The following KMT2C variants were observed in gnomAD, a reference collection of about 807,000 sequenced individuals.
The protein encoded by KMT2C is lysine methyltransferase 2C, also known as histone-lysine N-methyltransferase 2C.
In KMT2C, 88 loss-of-function variants were observed where a neutral mutation model predicts 507.9. That is an observed-to-expected ratio of 0.17 (90% confidence interval 0.15 to 0.21). The LOEUF is 0.21. Among genes scored for constraint, KMT2C ranks in the 10% least tolerant of loss-of-function variants. KMT2C has a pLI of 1.00. For missense variants in KMT2C, 4,954 were observed against 5,957.8 expected (o/e 0.83, Z 5.55); for synonymous variants, 2,049 against 2,080.8 (o/e 0.98, Z 0.42).
chr7:152,396,413 A>C (rs2097538473), intron 1 of KMT2C, among the ~76,000 whole-genome samples: 1 of 152,246 alleles, frequency 6.6e-6, no homozygotes, highest in African/African-American at 2.4e-5. Context: ...AAATAAATTA[A>C]TATAGTACGT....
chr7:152,219,939 G>T (rs1230537925), intron 23 of KMT2C: 1 of 152,490 alleles, frequency 6.6e-6, no homozygotes, highest in Non-Finnish European at 1.5e-5. Context: ...GGAGGCAGAG[G>T]TTGTAGTAAG....
chr7:152,292,320 T>C (rs1271076634), intron 6 of KMT2C, among the ~76,000 whole-genome samples: 2 of 152,176 alleles, frequency 1.3e-5, no homozygotes, highest in Non-Finnish European at 2.9e-5. Flanking sequence ...CAGGGCAATA[T>C]GTGTGGCGCG....
rs929507720 is a variant in KMT2C, at chr7:152,163,302, C to T, written c.10275G>A (p.Leu3425=). 3.7e-6 allele frequency: 6 copies of T among 1,614,110 alleles called. No homozygotes were observed. Among genetic ancestry groups the T allele is most frequent in the Non-Finnish European group, 3.4e-6 (4 of 1,180,048 alleles). ...GCTGCTCCATTTCCATCCTCTGCTGCAAAGCTCTTTGTCTATCTACCTCCT... is the reference window on the plus strand; with the variant it reads ...GCTGCTCCATTTCCATCCTCTGCTGTAAAGCTCTTTGTCTATCTACCTCCT... The part of the protein sequence containing the change: ...LMQEVDRQRA[L]QQRMEMEQHG... The change falls in exon 43 of 59, where the codon TTG becomes TTA. Residue 3425 remains leucine, a synonymous_variant. Coordinates refer to ENST00000262189, the MANE Select transcript of KMT2C (RefSeq NM_170606.3).
At chr7:152,293,599 A>G (rs1336691657) in intron 6 of KMT2C, among the ~76,000 whole-genome samples, 1 of 152,166 alleles carries the variant, frequency 6.6e-6, no homozygotes, top group Non-Finnish European at 1.5e-5. Context: ...TAAACTTTAC[A>G]TTCAAGGGGT....
intron 2 of KMT2C, 54 bp from the exon 3 acceptor site, chr7:152,330,793 T>C: frequency 6.6e-7 from 1 of 1,512,250 alleles, no homozygotes. Flanking sequence ...TTTATTTTAA[T>C]CACTGGTGAA....
At chr7:152,277,578 C>CT (rs2096107317) in intron 6 of KMT2C, among the ~76,000 whole-genome samples, 1 of 152,150 alleles carries the variant, frequency 6.6e-6, no homozygotes, top group African/African-American at 2.4e-5. Flanking sequence ...AAAATACCCA[C>CT]TCTTGATCTG....
chr7:152,187,512 A>G (rs2093661176), intron 32 of KMT2C, 36 bp from the exon 33 acceptor site: 1 of 1,557,238 alleles, frequency 6.4e-7, no homozygotes, highest in Admixed American at 1.7e-5. Flanking sequence ...TTATGAACAT[A>G]AAATAACTTC....
chr7:152,205,622 A>G (rs865809649), intron 24 of KMT2C, among the ~76,000 whole-genome samples: 4 of 152,344 alleles, frequency 2.6e-5, no homozygotes, highest in Middle Eastern at 3.4e-3. Flanking sequence ...CAGTGGTCCC[A>G]TAAGATTATA....
At chr7:152,354,673 T>C (rs1365441383) in intron 2 of KMT2C, among the ~76,000 whole-genome samples, 1 of 152,112 alleles carries the variant, frequency 6.6e-6, no homozygotes, top group Non-Finnish European at 1.5e-5. Flanking sequence ...AGAAAAAATT[T>C]TTCCAAGCAA....
At chr7:152,201,323 C>G (rs1465381989) in intron 26 of KMT2C, among the ~76,000 whole-genome samples, 2 of 151,608 alleles carry the variant, frequency 1.3e-5, no homozygotes, top group African/African-American at 4.9e-5. Context: ...CACACACACA[C>G]ACACACACGC....
chr7:152,338,032 A>AT (rs560549962), intron 2 of KMT2C, among the ~76,000 whole-genome samples: 1 of 151,270 alleles, frequency 6.6e-6, no homozygotes, highest in Non-Finnish European at 1.5e-5. Flanking sequence ...AATTTTTTGT[A>AT]TTTTTTTAGT....
chr7:152,210,266 G>A (rs2094423745), intron 23 of KMT2C, among the ~76,000 whole-genome samples: 1 of 152,126 alleles, frequency 6.6e-6, no homozygotes, highest in Non-Finnish European at 1.5e-5. Context: ...TCACCAAATG[G>A]TCAGCACAAA....
At chr7:152,298,311 C>A (rs1173649181) in intron 6 of KMT2C, among the ~76,000 whole-genome samples, 2 of 151,896 alleles carry the variant, frequency 1.3e-5, no homozygotes, top group African/African-American at 4.8e-5. Context: ...ACTCAGCAAA[C>A]CCCAAGCACA....
At chr7:152,297,453 G>A (rs1202223281) in intron 6 of KMT2C, among the ~76,000 whole-genome samples, 3 of 152,158 alleles carry the variant, frequency 2.0e-5, no homozygotes, top group Non-Finnish European at 4.4e-5. Flanking sequence ...AGGAAACTAT[G>A]AGAATCCAGA....
intron 14 of KMT2C, among the ~76,000 whole-genome samples, chr7:152,241,325 T>C (rs2095379015): frequency 6.6e-6 from 1 of 152,184 alleles, no homozygotes. Context: ...TCAAGTCTCC[T>C]GAGTAGCTGG....
At chr7:152,259,448 A>ACACACACACGCG (rs2095724297) in intron 9 of KMT2C, among the ~76,000 whole-genome samples, 1 of 57,386 alleles carries the variant, frequency 1.7e-5, no homozygotes, top group Non-Finnish European at 4.0e-5. Context: ...ACACACGCGC[A>ACACACACACGCG]CACACACACA....
At chr7:152,374,388 T>C (rs1161359008) in intron 1 of KMT2C, among the ~76,000 whole-genome samples, 2 of 151,866 alleles carry the variant, frequency 1.3e-5, no homozygotes, top group East Asian at 1.9e-4. Context: ...ATTTTTAAAA[T>C]GAGTGAATGA....
intron 1 of KMT2C, among the ~76,000 whole-genome samples, chr7:152,394,828 C>G (rs2097527137): frequency 6.6e-6 from 1 of 152,096 alleles, no homozygotes; most frequent in Admixed American, 6.6e-5. Flanking sequence ...TAGCAACTAT[C>G]GACAACAAGC....
intron 9 of KMT2C, among the ~76,000 whole-genome samples, chr7:152,255,837 A>T (rs537766372): frequency 3.3e-4 from 50 of 152,326 alleles, no homozygotes; most frequent in African/African-American, 1.2e-3. Context: ...ATACACAAAC[A>T]TCAACTCCAA....
Sources: gnomAD v4.1 joint callset for allele counts (sites outside exome capture counted in the v4.1 genomes callset) on GRCh38, gnomAD v4.1.1 for gene constraint, MANE v1.5 for transcripts, NCBI Gene and HGNC (gene_info 2026-07-23, HGNC 2026-07-21) for gene names.